CEP170: variants seen among roughly 807,000 people sequenced by gnomAD.
CEP170 encodes centrosomal protein 170, also known as centrosomal protein of 170 kDa.
Under a neutral mutation model 151.9 loss-of-function variants are expected in CEP170, and 21 were observed. That is an observed-to-expected ratio of 0.14 (90% CI 0.10 to 0.20). CEP170 has a LOEUF of 0.20. CEP170 is among the 10% of genes least tolerant of loss of function. CEP170 has a pLI of 1.00. For synonymous variants in CEP170, 356 were observed against 648.8 expected (o/e 0.55, Z 6.86); for missense variants, 964 against 1,892.9 (o/e 0.51, Z 9.11).
At chr1:243,238,590 T>A (rs528606689) in intron 1 of CEP170, among the ~76,000 whole-genome samples, 3 of 152,228 alleles carry the variant, frequency 2.0e-5, no homozygotes, top group Non-Finnish European at 4.4e-5. Flanking sequence ...CAAAACCTAA[T>A]GGTAGATCAT....
chr1:243,163,275 A>G (rs1197404838), intron 13 of CEP170: 4 of 152,246 alleles, frequency 2.6e-5, no homozygotes, highest in African/African-American at 9.6e-5. Flanking sequence ...GGGCTTACTT[A>G]GATGTCTGCC....
At chr1:243,173,130 G>A (rs553915818) in intron 10 of CEP170, among the ~76,000 whole-genome samples, 271 of 151,506 alleles carry the variant, frequency 1.8e-3, no homozygotes, top group Non-Finnish European at 3.0e-3. Context: ...GCGTGATCTC[G>A]GCTCACCGCA....
At chr1:243,225,809 A>G (rs543935088) in intron 1 of CEP170, among the ~76,000 whole-genome samples, 3 of 152,148 alleles carry the variant, frequency 2.0e-5, no homozygotes, top group African/African-American at 7.2e-5. Context: ...ATCAGGTGTA[A>G]ACCACAGAAT....
At chr1:243,171,371 C>T (rs986399142) in intron 11 of CEP170, among the ~76,000 whole-genome samples, 4 of 152,008 alleles carry the variant, frequency 2.6e-5, no homozygotes, top group African/African-American at 9.7e-5. Context: ...ACATATAGGT[C>T]TATTTACCTG....
At chr1:243,232,595 A>C (rs1483104027) in intron 1 of CEP170, among the ~76,000 whole-genome samples, 2 of 152,184 alleles carry the variant, frequency 1.3e-5, no homozygotes, top group Non-Finnish European at 2.9e-5. Flanking sequence ...AAGGCAGCAA[A>C]ACTGTCTTCC....
At position 243,174,733 on chromosome 1, in the gene CEP170, T is replaced by C. The variant is rs188503765; in HGVS notation, c.1567-1887A>G. Among the ~76,000 whole-genome samples the C allele has an allele frequency of 4.2e-3, 637 of 152,324 alleles. 4 individuals carry two copies. Among genetic ancestry groups the C allele is most frequent in the African/African-American group, 0.014 (583 of 41,576 alleles). On this transcript the variant is annotated intron_variant, in intron 10 of 19. Coordinates refer to ENST00000366542, the MANE Select transcript of CEP170 (RefSeq NM_014812.3). ...TGAATTTTAATACATGGAAGCACAA[T>C]GTACAGAAGGGAAAAAACAAAAACT...
At chr1:243,215,967 T>C (rs1399889134) in intron 3 of CEP170, among the ~76,000 whole-genome samples, 2 of 151,980 alleles carry the variant, frequency 1.3e-5, no homozygotes, top group African/African-American at 2.4e-5. Flanking sequence ...AAAGAACCTA[T>C]GTGAAATAAC....
chr1:243,182,137 C>T (rs557859509), intron 10 of CEP170, among the ~76,000 whole-genome samples: 29 of 152,074 alleles, frequency 1.9e-4, no homozygotes, highest in African/African-American at 6.7e-4. Context: ...GTTCCCTTCA[C>T]AGTAGACTGT....
At chr1:243,248,348 C>T (rs1021031045) in intron 1 of CEP170, among the ~76,000 whole-genome samples, 10 of 152,204 alleles carry the variant, frequency 6.6e-5, no homozygotes, top group Non-Finnish European at 1.3e-4. Flanking sequence ...CAATCCTCCT[C>T]GATGGCGCCT....
chr1:243,238,325 G>A (rs570355704), intron 1 of CEP170, among the ~76,000 whole-genome samples: 1 of 152,204 alleles, frequency 6.6e-6, no homozygotes, highest in Middle Eastern at 3.4e-3. Flanking sequence ...CAGGTGTGGT[G>A]ACGTGCACCT....
intron 6 of CEP170, 98 bp from the exon 7 acceptor site, chr1:243,199,292 A>C: frequency 7.7e-7 from 1 of 1,305,502 alleles, no homozygotes; most frequent in Non-Finnish European, 1.0e-6. Flanking sequence ...AATTAAATTA[A>C]AAAGCAAAGT....
Position 243,165,350 on chromosome 1 carries a change from T to C in CEP170, c.2610A>G (p.Thr870=). ...TSSTPSSLAL[T]SASRIRERSE... ...TTCTTTCTCGTATTCTACTTGCAGA[T>C]GTTAATGCTAAAGAAGAAGGAGTAG... is the stretch of plus-strand genomic sequence containing the variant. The change falls in exon 13 of 20, where the codon ACA becomes ACG. Residue 870 remains threonine (T), a synonymous_variant. Coordinates refer to ENST00000366542, the MANE Select transcript of CEP170 (RefSeq NM_014812.3). The C allele has an allele frequency of 6.5e-7, 1 of 1,528,688 alleles. No individual in the cohort carries two copies. The highest frequency in any genetic ancestry group is 9.0e-7 in the Non-Finnish European group (1 of 1,116,930). 94.7% of individuals were successfully genotyped at this position (1,528,688 alleles called of 1,614,324 possible). A position where few individuals can be genotyped will look rare whatever the true frequency, so the allele number is the denominator to read the frequency against.
At chr1:243,195,912 C>G (rs2060618216) in intron 7 of CEP170, among the ~76,000 whole-genome samples, 1 of 151,822 alleles carries the variant, frequency 6.6e-6, no homozygotes, top group South Asian at 2.1e-4. Flanking sequence ...AAGGCTATTA[C>G]TAATCAGCTG....
chr1:243,233,634 G>A (rs2063967957), intron 1 of CEP170, among the ~76,000 whole-genome samples: 1 of 150,942 alleles, frequency 6.6e-6, no homozygotes, highest in African/African-American at 2.4e-5. Context: ...TTAGGAGGCT[G>A]AGGCAGGAGA....
intron 8 of CEP170, among the ~76,000 whole-genome samples, chr1:243,190,066 A>G (rs2060208098): frequency 6.6e-6 from 1 of 152,192 alleles, no homozygotes; most frequent in Admixed American, 6.5e-5. Flanking sequence ...GACATAAGGT[A>G]CAGATTAAAT....
intron 14 of CEP170, among the ~76,000 whole-genome samples, chr1:243,153,041 A>G (rs763244390): frequency 1.9e-4 from 29 of 152,212 alleles, no homozygotes; most frequent in Non-Finnish European, 3.5e-4. Flanking sequence ...GTTTGGAAGA[A>G]ACTGATTCCA....
At chr1:243,129,926 G>A (rs1165503626) in intron 17 of CEP170, among the ~76,000 whole-genome samples, 1 of 151,758 alleles carries the variant, frequency 6.6e-6, no homozygotes, top group African/African-American at 2.4e-5. Flanking sequence ...TGTTACAAAT[G>A]TTCTATTTTA....
chr1:243,136,279 T>C, intron 16 of CEP170, 48 bp from the exon 17 acceptor site: 1 of 1,298,540 alleles, frequency 7.7e-7, no homozygotes, highest in African/African-American at 1.5e-5. Flanking sequence ...TACCCCTGTA[T>C]TGTATAACTA....
At chr1:243,255,481 C>G (rs896924819), upstream of CEP170, 4 of 154,492 alleles carry the variant, frequency 2.6e-5, no homozygotes, top group East Asian at 3.8e-4. Flanking sequence ...CCGCAACCAA[C>G]AAGGACTACA....
Sources: allele counts gnomAD v4.1 joint callset (sites outside exome capture counted in the v4.1 genomes callset), GRCh38; gene constraint gnomAD v4.1.1; transcripts MANE v1.5; gene names NCBI Gene and HGNC (gene_info 2026-07-23, HGNC 2026-07-21).